The following GAS7 variants were observed in gnomAD, a reference collection of about 807,000 sequenced individuals.
The protein encoded by GAS7 is growth arrest specific 7.
In GAS7, 28 loss-of-function variants were observed where a neutral mutation model predicts 71.1. That is an observed-to-expected ratio of 0.39 (90% confidence interval 0.29 to 0.54). GAS7 has a LOEUF of 0.54. GAS7 is among the 20% of genes least tolerant of loss of function. The probability of loss-of-function intolerance (pLI) is 0.62; values close to 1 mark genes in which losing one functional copy is unlikely to be tolerated. For missense variants in GAS7, 436 were observed against 627.8 expected (o/e 0.69, Z 3.27); for synonymous variants, 258 against 245.8 (o/e 1.05, Z -0.46).
intron 1 of GAS7, among the ~76,000 whole-genome samples, chr17:10,053,520 C>G (rs926531286): frequency 6.6e-6 from 1 of 152,108 alleles, no homozygotes; most frequent in African/African-American, 2.4e-5. Context: ...CTGGAGAAGC[C>G]CTTGTTTGTA....
At chr17:9,997,771 C>T (rs1461696506) in intron 2 of GAS7, among the ~76,000 whole-genome samples, 1 of 152,254 alleles carries the variant, frequency 6.6e-6, no homozygotes, top group Non-Finnish European at 1.5e-5. Flanking sequence ...GGTTCGATTC[C>T]TTTGCAAAAG....
At chr17:10,016,751 AAATAATAATAAT>A (rs4057773) in intron 2 of GAS7, among the ~76,000 whole-genome samples, 1,836 of 139,898 alleles carry the variant, frequency 0.013, 37 homozygotes, top group African/African-American at 0.037. Flanking sequence ...TCTCTACAAA[AAATAATAATAAT>A]AATAATAATA....
rs190247847 is a variant in GAS7, at chr17:9,922,516, T to C, written c.1139-2811A>G. Reference sequence around the variant, plus strand: ...GGACTGTGCTGATCAAAAGAGACAATGCTCTAAAGCATGGAGGCTGGCCAC... The same window carrying C: ...GGACTGTGCTGATCAAAAGAGACAACGCTCTAAAGCATGGAGGCTGGCCAC... On this transcript the variant is annotated intron_variant, in intron 11 of 13. Coordinates refer to ENST00000432992, the MANE Select transcript of GAS7 (RefSeq NM_201433.2). Among the ~76,000 whole-genome samples, 44 of 152,350 alleles carry C rather than the reference T, an allele frequency of 2.9e-4. No individual in the cohort carries two copies. In the East Asian group the frequency reaches 8.5e-3, roughly 29 times the overall value.
rs562141577 is a variant in GAS7 at position 10,183,374 on chromosome 17, G to A, written c.183+14834C>T. Among the ~76,000 whole-genome samples the A allele has an allele frequency of 5.9e-5, 9 of 152,140 alleles. No homozygotes were observed. In the South Asian group the frequency reaches 6.2e-4, roughly 11 times the overall value. ...TCCCCCTACTTCCCCAACACCATCC[G>A]CCCTGTGTGCCCCAATGAAACTCCA... On this transcript the variant is annotated intron_variant, in intron 1 of 13. Coordinates refer to ENST00000432992, the MANE Select transcript of GAS7 (RefSeq NM_201433.2).
At chr17:9,972,610 G>T (rs2070015927) in intron 3 of GAS7, among the ~76,000 whole-genome samples, 2 of 129,220 alleles carry the variant, frequency 1.5e-5, no homozygotes, top group Admixed American at 1.5e-4. Flanking sequence ...AACATCTTCT[G>T]CCAGGAAGCC....
chr17:10,086,110 C>T (rs1040977483), intron 1 of GAS7, among the ~76,000 whole-genome samples: 4 of 152,142 alleles, frequency 2.6e-5, no homozygotes, highest in African/African-American at 9.7e-5. Flanking sequence ...TGAATGGGGG[C>T]GCAGAGGGTG....
chr17:10,134,781 C>A (rs973775628), intron 1 of GAS7, among the ~76,000 whole-genome samples: 16 of 152,094 alleles, frequency 1.1e-4, no homozygotes, highest in African/African-American at 3.6e-4. Context: ...AGCAGGGCTA[C>A]CCCCTGGGCA....
At chr17:10,076,263 G>C (rs1254050398) in intron 1 of GAS7, among the ~76,000 whole-genome samples, 2 of 75,764 alleles carry the variant, frequency 2.6e-5, no homozygotes, top group Non-Finnish European at 5.5e-5. Context: ...GACGGGGAAG[G>C]GGAGGGGAGA....
Position 9,959,419 on chromosome 17 carries a change from C to T in GAS7, c.472-164G>A, listed in dbSNP as rs916874430. On this transcript the variant is annotated intron_variant, in intron 4 of 13. Transcript: ENST00000432992. The surrounding 1 kb of genome is among the most constrained non-coding windows in gnomAD (Gnocchi z 5.0). ...CCAGGGCAAGCAGGGGTCTCCCTGA[C>T]CCCACGCTGTTCCCACGCCCAGCTC... 4.8e-6 allele frequency: 7 copies of T among 1,461,376 alleles called. No homozygotes were observed. Among genetic ancestry groups the T allele is most frequent in the Non-Finnish European group, 6.3e-6 (7 of 1,106,056 alleles). 90.5% of individuals were successfully genotyped at this position (1,461,376 alleles called of 1,614,324 possible).
At chr17:10,003,987 C>G (rs908278293) in intron 2 of GAS7, among the ~76,000 whole-genome samples, 7 of 152,314 alleles carry the variant, frequency 4.6e-5, no homozygotes, top group Admixed American at 2.6e-4. Flanking sequence ...GGACCTCATG[C>G]CAGCTTTGCA....
rs1035511717 is a variant in GAS7 at position 10,103,543 on chromosome 17, C to A, written c.184-83646G>T. ...TTCACTTAGAAAGATAGGAACAACC[C>A]GGCCAGGCGCGATGGCTCCCACCTG... On this transcript the variant is annotated intron_variant, in intron 1 of 13. Coordinates refer to ENST00000432992, the MANE Select transcript of GAS7 (RefSeq NM_201433.2). This position sits in a 1 kb window ranked among gnomAD's most constrained non-coding sequence, Gnocchi z 5.5. Among the ~76,000 whole-genome samples, 2 of 150,798 alleles carry A rather than the reference C, an allele frequency of 1.3e-5. No homozygotes were observed. Among genetic ancestry groups the A allele is most frequent in the African/African-American group, 2.4e-5 (1 of 41,198 alleles).
At chr17:10,028,849 G>C (rs984617076) in intron 1 of GAS7, among the ~76,000 whole-genome samples, 2 of 152,154 alleles carry the variant, frequency 1.3e-5, no homozygotes, top group Admixed American at 6.5e-5. Context: ...AACGAGAATT[G>C]TTTTTTCCCC....
At chr17:10,143,710 C>T (rs1002954668) in intron 1 of GAS7, among the ~76,000 whole-genome samples, 6 of 152,136 alleles carry the variant, frequency 3.9e-5, no homozygotes, top group African/African-American at 1.4e-4. Context: ...AGAAAACAAG[C>T]CAAGAAGAGC....
intron 11 of GAS7, among the ~76,000 whole-genome samples, chr17:9,920,288 C>A (rs1448453364): frequency 6.6e-6 from 1 of 152,034 alleles, no homozygotes; most frequent in Non-Finnish European, 1.5e-5. Context: ...GAGGAGCACA[C>A]CCCAGCTTCA....
intron 11 of GAS7, among the ~76,000 whole-genome samples, chr17:9,920,404 T>C (rs1293674413): frequency 2.0e-5 from 3 of 152,246 alleles, no homozygotes; most frequent in Admixed American, 2.0e-4. Context: ...AACATAACTA[T>C]TCAATCTTTA....
chr17:9,929,112 G>A (rs993923081), intron 9 of GAS7, among the ~76,000 whole-genome samples: 15 of 152,118 alleles, frequency 9.9e-5, no homozygotes, highest in South Asian at 2.1e-4. Context: ...CCTTTCCCAC[G>A]TATATAGGTT....
At chr17:9,999,500 A>G (rs2071179914) in intron 2 of GAS7, among the ~76,000 whole-genome samples, 1 of 149,318 alleles carries the variant, frequency 6.7e-6, no homozygotes, top group South Asian at 2.1e-4. Context: ...CCTAAGTGAC[A>G]GGGTAAGACT....
intron 1 of GAS7, among the ~76,000 whole-genome samples, chr17:10,068,508 C>A (rs553032378): frequency 6.6e-6 from 1 of 151,984 alleles, no homozygotes; most frequent in East Asian, 1.9e-4. Flanking sequence ...GTAATCCCAG[C>A]ACTTTGGGAG....
At chr17:10,065,730 G>C (rs140072185) in intron 1 of GAS7, among the ~76,000 whole-genome samples, 74 of 152,336 alleles carry the variant, frequency 4.9e-4, no homozygotes, top group African/African-American at 1.7e-3. Flanking sequence ...TTAGGACGTA[G>C]ACAATCTTGG....
Sources: gnomAD v4.1 joint callset for allele counts (sites outside exome capture counted in the v4.1 genomes callset) on GRCh38, gnomAD v4.1.1 for gene constraint, Gnocchi (gnomAD v3.1) non-coding constraint, MANE v1.5 for transcripts, NCBI Gene and HGNC (gene_info 2026-07-23, HGNC 2026-07-21) for gene names.